Variants in COLEC11 observed in about 807,000 individuals in gnomAD.
COLEC11 encodes collectin subfamily member 11.
COLEC11 carries 20 observed loss-of-function variants against 27.3 expected under a neutral mutation model. That is an observed-to-expected ratio of 0.73 (90% CI 0.51 to 1.06). COLEC11 has a LOEUF of 1.06. COLEC11 is among the 50% of genes least tolerant of loss of function. The pLI is 0.00. For missense variants in COLEC11, 310 were observed against 383.0 expected, an observed-to-expected ratio of 0.81 and a Z score of 1.59; for synonymous variants, 163 against 154.7, an observed-to-expected ratio of 1.05 and a Z score of -0.40.
intron 1 of COLEC11, among the ~76,000 whole-genome samples, chr2:3,598,132 C>T (rs1661983187): frequency 6.6e-6 from 1 of 152,106 alleles, no homozygotes; most frequent in Non-Finnish European, 1.5e-5. Flanking sequence ...GACAGGGTTT[C>T]ACCATGTTGG....
intron 2 of COLEC11, among the ~76,000 whole-genome samples, chr2:3,611,062 T>C (rs1663150073): frequency 6.6e-6 from 1 of 152,238 alleles, no homozygotes; most frequent in Admixed American, 6.5e-5. Context: ...TTTCATGGCT[T>C]TCCTTAGCAC....
intron 3 of COLEC11, chr2:3,617,752 T>C (rs2312925): frequency 0.75 from 883,312 of 1,182,354 alleles, 331,946 homozygotes; most frequent in South Asian, 0.89. Context: ...TGGCCACCAC[T>C]GAGTTGTCGC....
At chr2:3,628,326 C>G (rs1359107931) in intron 3 of COLEC11, among the ~76,000 whole-genome samples, 4 of 152,248 alleles carry the variant, frequency 2.6e-5, no homozygotes, top group African/African-American at 9.6e-5. Flanking sequence ...GGGCTGTGTT[C>G]TCTGCCTATC....
chr2:3,607,468 A>T (rs1433114114), intron 2 of COLEC11, among the ~76,000 whole-genome samples: 54 of 30,824 alleles, frequency 1.8e-3, no homozygotes, highest in East Asian at 3.1e-3. Flanking sequence ...TTTTTTTGAG[A>T]TGGAGTTTCT....
intron 3 of COLEC11, among the ~76,000 whole-genome samples, chr2:3,633,912 G>A (rs1665197101): frequency 6.6e-6 from 1 of 152,200 alleles, no homozygotes; most frequent in Admixed American, 6.5e-5. Flanking sequence ...GGGACAACAC[G>A]AAACAGCAGA....
At chr2:3,637,194 G>A (rs1376090556) in intron 3 of COLEC11, among the ~76,000 whole-genome samples, 2 of 152,208 alleles carry the variant, frequency 1.3e-5, no homozygotes, top group Admixed American at 6.5e-5. Flanking sequence ...TGCCTTGCTG[G>A]GATGGAGGAA....
At chr2:3,627,457 CTG>C (rs1404938949) in intron 3 of COLEC11, among the ~76,000 whole-genome samples, 2 of 149,242 alleles carry the variant, frequency 1.3e-5, no homozygotes, top group Non-Finnish European at 1.5e-5. Context: ...CACAATGACA[CTG>C]GGCATGATGA....
At position 3,628,975 on chromosome 2, in the gene COLEC11, A is replaced by G. The variant is rs1169068137; in HGVS notation, c.203-8558A>G. ...GCAGAGAGGGAAGGGATCCAGGGGC[A>G]TCAGGTGCTGCATTCCTGTTGTCGC... On this transcript the variant is annotated intron_variant, in intron 3 of 6. Coordinates refer to ENST00000349077, the MANE Select transcript of COLEC11 (RefSeq NM_024027.5). Among the ~76,000 whole-genome samples, 5 of 152,266 alleles carry G rather than the reference A, an allele frequency of 3.3e-5. No homozygotes were observed. In the East Asian group the frequency reaches 7.7e-4, roughly 24 times the overall value.
chr2:3,641,284 G>A (rs1346830176), intron 5 of COLEC11: 2 of 1,303,988 alleles, frequency 1.5e-6, no homozygotes, highest in South Asian at 2.5e-5. Flanking sequence ...TGCTTGGAAG[G>A]TGTGCTTGCC....
intron 1 of COLEC11, chr2:3,603,509 G>A: frequency 2.7e-6 from 2 of 752,046 alleles, no homozygotes; most frequent in Non-Finnish European, 4.6e-6. Flanking sequence ...AAGACATGCG[G>A]TTTCACCATG....
chr2:3,603,369 T>C (rs975361553), intron 1 of COLEC11: 1 of 369,532 alleles, frequency 2.7e-6, no homozygotes, highest in Non-Finnish European at 5.0e-6. Context: ...CAGGCTGGAG[T>C]GTAGTGGCGT....
At chr2:3,616,113 A>C (rs112029295) in intron 3 of COLEC11, among the ~76,000 whole-genome samples, 101,149 of 144,248 alleles carry the variant, frequency 0.7, 35,169 homozygotes, top group South Asian at 0.83. Flanking sequence ...CTCCTCAGAT[A>C]CCACACGGGG....
At position 3,609,352 on chromosome 2, in the gene COLEC11, A is replaced by AT. The variant is rs567474674; in HGVS notation, c.131-3925dup. Among the ~76,000 whole-genome samples the AT allele has an allele frequency of 2.2e-3, 195 of 87,494 alleles. 8 individuals are homozygous for AT. The highest frequency in any genetic ancestry group is 5.8e-3 in the African/African-American group (98 of 17,032). The allele number at this position is 87,494 out of a possible 152,430, so 57.4% of individuals were successfully genotyped here. ...TGTTACTATGAACTATTTTTCTTTG[A>AT]TTTTTTTTTTTTTTTTTTTTTTTTT... On this transcript the variant is annotated intron_variant, in intron 2 of 6. Coordinates refer to ENST00000349077, the MANE Select transcript of COLEC11 (RefSeq NM_024027.5).
intron 3 of COLEC11, among the ~76,000 whole-genome samples, chr2:3,624,500 C>T (rs1334839965): frequency 2.6e-5 from 4 of 152,138 alleles, no homozygotes; most frequent in Non-Finnish European, 5.9e-5. Context: ...TTTTTTTGGG[C>T]AGCATCCTGC....
At chr2:3,629,099 C>T (rs1266881589) in intron 3 of COLEC11, among the ~76,000 whole-genome samples, 1 of 152,218 alleles carries the variant, frequency 6.6e-6, no homozygotes, top group African/African-American at 2.4e-5. Flanking sequence ...GGCGTTAGGG[C>T]TCTTGTTCTC....
intron 5 of COLEC11, chr2:3,641,545 C>A: frequency 1.6e-6 from 1 of 638,802 alleles, no homozygotes; most frequent in Non-Finnish European, 2.3e-6. Flanking sequence ...AATCCATCCA[C>A]TTCCCCTGAC....
intron 3 of COLEC11, among the ~76,000 whole-genome samples, chr2:3,631,709 C>T (rs899674102): frequency 1.5e-4 from 22 of 151,362 alleles, no homozygotes; most frequent in Non-Finnish European, 2.1e-4. Context: ...GGGCTCTGCT[C>T]GGAGGGGGCC....
At chr2:3,608,672 A>AAAAAC (rs745784725) in intron 2 of COLEC11, among the ~76,000 whole-genome samples, 2 of 152,212 alleles carry the variant, frequency 1.3e-5, no homozygotes, top group Admixed American at 1.3e-4. Context: ...AACAAAAAAC[A>AAAAAC]AAAACAAAAC....
chr2:3,626,245 T>C (rs1321007607), intron 3 of COLEC11, among the ~76,000 whole-genome samples: 4 of 152,214 alleles, frequency 2.6e-5, no homozygotes, highest in African/African-American at 9.6e-5. Context: ...GGGAGGAATA[T>C]TGTTAGGCAC....
Sources: gnomAD v4.1 joint callset for allele counts (sites outside exome capture counted in the v4.1 genomes callset) on GRCh38, gnomAD v4.1.1 for gene constraint, MANE v1.5 for transcripts, NCBI Gene and HGNC (gene_info 2026-07-23, HGNC 2026-07-21) for gene names.